Variants in PYHIN1 observed in about 807,000 individuals in gnomAD.
PYHIN1 encodes the protein pyrin and HIN domain-containing protein 1.
In PYHIN1, 32 loss-of-function variants were observed where a neutral mutation model predicts 43.7. That is an observed-to-expected ratio of 0.73 (90% CI 0.55 to 0.98). PYHIN1 has a LOEUF of 0.98. PYHIN1 is among the 50% of genes least tolerant of loss of function. PYHIN1 has a pLI of 0.00. For missense variants in PYHIN1, 588 were observed against 589.5 expected (o/e 1.00, Z 0.03); for synonymous variants, 205 against 203.1 (o/e 1.01, Z -0.08).
At chr1:158,932,958 T>C (rs1476020961) in intron 1 of PYHIN1, among the ~76,000 whole-genome samples, 2 of 152,032 alleles carry the variant, frequency 1.3e-5, no homozygotes, top group Admixed American at 6.6e-5. Context: ...TTGACTAGAA[T>C]ATGAGATTTT....
chr1:158,949,230 A>T (rs184167243), intron 7 of PYHIN1, among the ~76,000 whole-genome samples: 11 of 152,280 alleles, frequency 7.2e-5, no homozygotes, highest in Admixed American at 5.9e-4. Flanking sequence ...GCCATGATGG[A>T]TGAGGACATC....
chr1:158,986,612 A>AACTCTGAGAGAGGCCAGCAGATGGGGAC, the PYHIN1 span, among the ~76,000 whole-genome samples: 5 of 152,222 alleles, frequency 3.3e-5, no homozygotes, highest in African/African-American at 1.2e-4. Context: ...GCGAGGCAGA[A>AACTCTGAGAGAGGCCAGCAGATGGGGAC]ACTCTGAGAG....
intron 1 of PYHIN1, among the ~76,000 whole-genome samples, chr1:158,935,620 T>C (rs1392457738): frequency 1.3e-5 from 2 of 152,120 alleles, no homozygotes; most frequent in African/African-American, 2.4e-5. Flanking sequence ...AAGAGGATAC[T>C]GATGAGAGCT....
chr1:158,943,133 T>A lies in PYHIN1; in HGVS notation c.1003-657T>A, dbSNP rs1649023339. 2.0e-5 allele frequency among the ~76,000 whole-genome samples: 3 copies of A among 152,310 alleles called. No homozygotes were observed. The South Asian group carries it at 6.2e-4, about 32-fold the overall frequency. The stretch of plus-strand genomic sequence containing the variant: ...TGAGTCCAGTAATTTCTTAGATGAC[T>A]GACAGCTCATGATCTGTTATATTTA... On this transcript the variant is annotated intron_variant, in intron 5 of 8. Coordinates refer to ENST00000368140, the MANE Select transcript of PYHIN1 (RefSeq NM_152501.5).
In PYHIN1 at chr1:158,973,716, C is replaced by T. The variant is rs760788876; in HGVS notation, c.1429C>T (p.Pro477Ser). 1 of 1,613,240 alleles carries T rather than the reference C, an allele frequency of 6.2e-7. No individual in the cohort carries two copies. Among genetic ancestry groups the T allele is most frequent in the Non-Finnish European group, 8.5e-7 (1 of 1,179,526 alleles). Residue 477 changes from proline (P) to serine (S), a missense_variant, in exon 8 of 9, where the codon CCT (proline) becomes TCT (serine). By Grantham distance (74) the Pro-to-Ser change is moderately conservative. Transcript: ENST00000368140. ...TAGAATCACCTCACCAACTGTGGCCCCTCCTCTTTCTTCTGACACTTCCAC... is the reference window on the plus strand; with the variant it reads ...TAGAATCACCTCACCAACTGTGGCCTCTCCTCTTTCTTCTGACACTTCCAC... ...NFRITSPTVA[P>S]PLSSDTSTNR...
At chr1:158,938,595 G>A in intron 3 of PYHIN1, 53 bp downstream of exon 3, 1 of 1,589,798 alleles carries the variant, frequency 6.3e-7, no homozygotes, top group South Asian at 1.1e-5. Context: ...AAGCTCTGCT[G>A]TGGCTGTTCC....
At chr1:158,958,508 A>T (rs1260372565) in intron 7 of PYHIN1, among the ~76,000 whole-genome samples, 2 of 148,348 alleles carry the variant, frequency 1.3e-5, no homozygotes, top group African/African-American at 5.0e-5. Flanking sequence ...TCGCAAGAAC[A>T]AAAAACCAAA....
At position 158,936,961 on chromosome 1, in the gene PYHIN1, C is replaced by A. The variant is rs112095976; in HGVS notation, c.51C>A (p.Ile17=). The A allele has an allele frequency of 5.6e-6, 9 of 1,611,164 alleles. No individual in the cohort carries two copies. The highest frequency in any genetic ancestry group is 4.0e-5 in the African/African-American group (3 of 74,922). The change falls in exon 2 of 9, where the codon ATC becomes ATA. Residue 17 remains isoleucine (I), a synonymous_variant. Transcript: ENST00000368140. Reference sequence around the variant, plus strand: ...TTCTACTGAAAGGATTAGAGGTCATCAATGATTATCATTTTAGAATTGTTA... The same window carrying A: ...TTCTACTGAAAGGATTAGAGGTCATAAATGATTATCATTTTAGAATTGTTA... The part of the protein sequence containing the change: ...KIVLLKGLEV[I]NDYHFRIVKS...
At position 158,939,114 on chromosome 1, in the gene PYHIN1, C is replaced by G; in HGVS notation, c.446C>G (p.Thr149Ser). The G allele has an allele frequency of 6.2e-7, 1 of 1,604,230 alleles. No homozygotes were observed. Among genetic ancestry groups the G allele is most frequent in the Non-Finnish European group, 8.5e-7 (1 of 1,177,442 alleles). The change falls in exon 4 of 9, where the codon ACC becomes AGC. Residue 149 changes from threonine to serine, a missense_variant. Transcript: ENST00000368140. The stretch of plus-strand genomic sequence containing the variant: ...AAACCATCTGAAGAAGAGACTGGAA[C>G]CAAAAGGAGTAAGATGTCCAAAGAG... ...RKKPSEEETG[T>S]KRSKMSKEQT... is the part of the protein sequence containing the mutation.
intron 4 of PYHIN1, 130 bp from the exon 5 acceptor site, chr1:158,941,847 T>C: frequency 2.7e-6 from 2 of 749,372 alleles, no homozygotes; most frequent in South Asian, 4.2e-5. Context: ...TCCTTCCCTG[T>C]ATCCTGGCCC....
At chr1:158,957,393 T>G (rs891352929) in intron 7 of PYHIN1, among the ~76,000 whole-genome samples, 3 of 152,056 alleles carry the variant, frequency 2.0e-5, no homozygotes, top group Non-Finnish European at 4.4e-5. Context: ...CATGGTACTG[T>G]TACCAAAACA....
intron 7 of PYHIN1, among the ~76,000 whole-genome samples, chr1:158,972,351 A>G (rs979465340): frequency 2.0e-5 from 3 of 152,072 alleles, no homozygotes; most frequent in Admixed American, 6.6e-5. Flanking sequence ...GAGCTTTTCA[A>G]TCAATCTCTG....
At chr1:158,938,358 C>T (rs373565343) in intron 2 of PYHIN1, 39 bp from the exon 3 acceptor site, 208 of 1,608,854 alleles carry the variant, frequency 1.3e-4, no homozygotes, top group Non-Finnish European at 1.7e-4. Flanking sequence ...CCCCGATCAT[C>T]TGCTCTGGGT....
chr1:158,958,786 A>T (rs74949001), intron 7 of PYHIN1, among the ~76,000 whole-genome samples: 4 of 63,254 alleles, frequency 6.3e-5, no homozygotes, highest in East Asian at 5.5e-4. Flanking sequence ...AAAATAAATT[A>T]AAAAAAAAAA....
At chr1:158,983,097 T>A in the PYHIN1 span, among the ~76,000 whole-genome samples, 1 of 152,110 alleles carries the variant, frequency 6.6e-6, no homozygotes, top group Non-Finnish European at 1.5e-5. Context: ...AGGAGGTAGT[T>A]TGACTTCCTT....
chr1:158,967,571 T>G (rs1650696230), intron 7 of PYHIN1, among the ~76,000 whole-genome samples: 1 of 152,098 alleles, frequency 6.6e-6, no homozygotes, highest in African/African-American at 2.4e-5. Flanking sequence ...AATGACATTC[T>G]TCACAGAATT....
chr1:158,976,576 A>T, intron 8 of PYHIN1, 125 bp from the exon 9 acceptor site: 1 of 639,692 alleles, frequency 1.6e-6, no homozygotes, highest in South Asian at 2.3e-5. Context: ...ATGAGAAAAG[A>T]GTGCTTCAGA....
intron 8 of PYHIN1, among the ~76,000 whole-genome samples, chr1:158,975,242 T>G (rs929530861): frequency 1.1e-4 from 17 of 151,700 alleles, no homozygotes; most frequent in Non-Finnish European, 5.9e-5. Context: ...ATACTGTGTT[T>G]GTATTAATTA....
chr1:158,939,146 C>T lies in PYHIN1; in HGVS notation c.478C>T (p.Arg160Trp), dbSNP rs770477176. 23 of 1,613,718 alleles carry T rather than the reference C, an allele frequency of 1.4e-5. No individual in the cohort carries two copies. Among genetic ancestry groups the T allele is most frequent in the Non-Finnish European group, 1.9e-5 (22 of 1,179,918 alleles). ...KRSKMSKEQTRPSCSAGASTS... is the reference protein window; with the variant it reads ...KRSKMSKEQTWPSCSAGASTS... ...GAGTAAGATGTCCAAAGAGCAGACT[C>T]GGCCTTCCTGCTCTGCAGGAGCCAG... Residue 160 changes from arginine (R) to tryptophan (W), a missense_variant, in exon 4 of 9, where the codon CGG (arginine) becomes TGG (tryptophan). Transcript: ENST00000368140.
Sources: allele counts gnomAD v4.1 joint callset (sites outside exome capture counted in the v4.1 genomes callset), GRCh38; gene constraint gnomAD v4.1.1; transcripts MANE v1.5; gene names NCBI Gene and HGNC (gene_info 2026-07-23, HGNC 2026-07-21).